The following THADA variants were observed in gnomAD, a reference collection of about 807,000 sequenced individuals.
The protein encoded by THADA is THADA armadillo repeat containing.
THADA carries 213 observed loss-of-function variants against 219.8 expected under a neutral mutation model. That is an observed-to-expected ratio of 0.97 (90% CI 0.87 to 1.09). The LOEUF (loss-of-function observed/expected upper bound fraction) is 1.09. Ranked by LOEUF, THADA falls within the 50% of genes least tolerant of loss-of-function variation. The pLI is 0.00. For missense variants in THADA, 2,956 were observed against 2,311.3 expected (o/e 1.28, Z -5.72); for synonymous variants, 1,018 against 828.9 (o/e 1.23, Z -3.92).
chr2:43,455,518 TCACACA>T (rs35958795), intron 26 of THADA, among the ~76,000 whole-genome samples: 5 of 149,016 alleles, frequency 3.4e-5, no homozygotes, highest in African/African-American at 9.9e-5. Context: ...TCTCTCTCTC[TCACACA>T]CACACACACA....
At chr2:43,295,439 T>C (rs1343387957) in intron 31 of THADA, among the ~76,000 whole-genome samples, 1 of 152,242 alleles carries the variant, frequency 6.6e-6, no homozygotes, top group Non-Finnish European at 1.5e-5. Flanking sequence ...AATTGTATCA[T>C]TCTGTCCATG....
intron 29 of THADA, among the ~76,000 whole-genome samples, chr2:43,382,344 G>A (rs1033426173): frequency 6.6e-6 from 1 of 152,162 alleles, no homozygotes; most frequent in Admixed American, 6.5e-5. Context: ...GAAACTTTCT[G>A]TACTATCTTA....
rs549261570 is a variant in THADA, at chr2:43,232,983, C to G, written c.5297-101G>C. ...GAACAATAAAGGCCTCAGGTAAAAT[C>G]GCTGCCACCAGCCTGGCAGGGAAGC... On this transcript the variant is annotated intron_variant, in intron 36 of 37. Coordinates refer to ENST00000405975, the MANE Select transcript of THADA (RefSeq NM_022065.5). 5 of 1,294,964 alleles carry G rather than the reference C, an allele frequency of 3.9e-6. No homozygotes were observed. In the Admixed American group the frequency reaches 7.8e-5, roughly 20 times the overall value. The allele number at this position is 1,294,964 out of a possible 1,614,324, so 80.2% of individuals were successfully genotyped here.
intron 36 of THADA, 63 bp from the exon 37 acceptor site, chr2:43,232,945 T>C: frequency 4.7e-6 from 7 of 1,504,482 alleles, no homozygotes; most frequent in Non-Finnish European, 6.3e-6. Flanking sequence ...CAGGGCAGCC[T>C]GCAGGACCCT....
At chr2:43,415,708 G>A (rs1036821975) in intron 28 of THADA, among the ~76,000 whole-genome samples, 2 of 152,080 alleles carry the variant, frequency 1.3e-5, no homozygotes, top group African/African-American at 2.4e-5. Flanking sequence ...TCAGGCTGTG[G>A]AGCCCCCGAG....
At chr2:43,359,786 ATTTT>A (rs531629007) in intron 29 of THADA, among the ~76,000 whole-genome samples, 1 of 145,468 alleles carries the variant, frequency 6.9e-6, no homozygotes, top group African/African-American at 2.5e-5. Flanking sequence ...TGTTAACTGG[ATTTT>A]TTTTTTTTTC....
intron 8 of THADA, among the ~76,000 whole-genome samples, chr2:43,581,211 C>A (rs1056733300): frequency 6.6e-6 from 1 of 151,966 alleles, no homozygotes; most frequent in South Asian, 2.1e-4. Flanking sequence ...ACCCTTGAAC[C>A]TATCTTCCAA....
rs1343025875 is a variant in THADA at position 43,298,199 on chromosome 2, G to A, written c.4439-4986C>T. ...AAGATTGAGAAATCGGATGGTTGCC[G>A]TGTCTGTGTAGAAAGAAGTAGACAT... On this transcript the variant is annotated intron_variant, in intron 31 of 37. Transcript: ENST00000405975. Among the ~76,000 whole-genome samples, 6 of 77,858 alleles carry A rather than the reference G, an allele frequency of 7.7e-5. 1 individual carries two copies. Among genetic ancestry groups the A allele is most frequent in the South Asian group, 5.3e-4 (1 of 1,896 alleles). The allele number at this position is 77,858 out of a possible 152,430, so 51.1% of individuals were successfully genotyped here.
At chr2:43,554,272 G>A (rs1697092098) in intron 17 of THADA, among the ~76,000 whole-genome samples, 1 of 151,992 alleles carries the variant, frequency 6.6e-6, no homozygotes, top group African/African-American at 2.4e-5. Flanking sequence ...TTTATTTTGA[G>A]CTAGCTTTTG....
intron 1 of THADA, among the ~76,000 whole-genome samples, chr2:43,593,714 A>G (rs1701832706): frequency 6.6e-6 from 1 of 151,018 alleles, no homozygotes; most frequent in Non-Finnish European, 1.5e-5. Context: ...GCTCACTGCA[A>G]GCTCAGCCTC....
intron 19 of THADA, among the ~76,000 whole-genome samples, chr2:43,551,134 T>C (rs1170629962): frequency 2.0e-5 from 3 of 152,230 alleles, no homozygotes; most frequent in Admixed American, 1.3e-4. Context: ...CCAAGGTATT[T>C]CAGCATATGG....
chr2:43,416,713 T>C (rs1335590703), intron 28 of THADA, among the ~76,000 whole-genome samples: 1 of 152,126 alleles, frequency 6.6e-6, no homozygotes, highest in Non-Finnish European at 1.5e-5. Context: ...TTTGGATAAT[T>C]ATGAAAAGAG....
intron 26 of THADA, among the ~76,000 whole-genome samples, chr2:43,466,352 A>G (rs1334302058): frequency 1.3e-5 from 2 of 152,128 alleles, no homozygotes; most frequent in Non-Finnish European, 2.9e-5. Context: ...CTTTGCCCCT[A>G]CAGTTTTCTT....
chr2:43,289,107 G>A (rs1188191716), intron 34 of THADA, among the ~76,000 whole-genome samples: 1 of 152,192 alleles, frequency 6.6e-6, no homozygotes, highest in Non-Finnish European at 1.5e-5. Context: ...TTAGCATAAT[G>A]TTTTCAAGGT....
At position 43,514,623 on chromosome 2, in the gene THADA, T is replaced by TTTA. The variant is rs1558887546; in HGVS notation, c.3375-5844_3375-5843insTAA. Among the ~76,000 whole-genome samples the TTTA allele has an allele frequency of 2.9e-3, 268 of 94,024 alleles. 44 individuals are homozygous for TTTA. Among genetic ancestry groups the TTTA allele is most frequent in the African/African-American group, 8.4e-3 (175 of 20,752 alleles). 61.7% of individuals were successfully genotyped at this position (94,024 alleles called of 152,430 possible). On this transcript the variant is annotated intron_variant, in intron 22 of 37. Transcript: ENST00000405975. ...TTTTATATATATTTTATATATTTTA[T>TTTA]ATATATGTATATTTTATATATAATA...
At chr2:43,524,261 GAA>G (rs1325879533) in intron 22 of THADA, among the ~76,000 whole-genome samples, 1 of 152,138 alleles carries the variant, frequency 6.6e-6, no homozygotes, top group Non-Finnish European at 1.5e-5. Context: ...AACATTCCCA[GAA>G]AAAGTAACAA....
rs1174762931 is a variant in THADA at position 43,298,115 on chromosome 2, G to A, written c.4439-4902C>T. On this transcript the variant is annotated intron_variant, in intron 31 of 37. Transcript: ENST00000405975. ...GGAGGTGTGCCCAACAGCTCATTGA[G>A]AACGGGCCAGGATGACAATGGCGGC... Among the ~76,000 whole-genome samples, 4 of 93,534 alleles carry A rather than the reference G, an allele frequency of 4.3e-5. 1 individual carries two copies. The East Asian group carries it at 9.6e-4, about 22-fold the overall frequency. The allele number at this position is 93,534 out of a possible 152,430, so 61.4% of individuals were successfully genotyped here. A position where few individuals can be genotyped will look rare whatever the true frequency, so the allele number is the denominator to read the frequency against.
intron 29 of THADA, among the ~76,000 whole-genome samples, chr2:43,364,903 A>T (rs550909065): frequency 6.6e-6 from 1 of 151,830 alleles, no homozygotes; most frequent in African/African-American, 2.4e-5. Context: ...GATTATTGTA[A>T]TTGTGATGGT....
At chr2:43,309,382 T>C (rs1439683466) in intron 31 of THADA, among the ~76,000 whole-genome samples, 3 of 152,334 alleles carry the variant, frequency 2.0e-5, no homozygotes, top group Admixed American at 1.3e-4. Context: ...AACACTTCTA[T>C]GTGAATGTTC....
Sources: gnomAD v4.1 joint callset for allele counts (sites outside exome capture counted in the v4.1 genomes callset) on GRCh38, gnomAD v4.1.1 for gene constraint, MANE v1.5 for transcripts, NCBI Gene and HGNC (gene_info 2026-07-23, HGNC 2026-07-21) for gene names.